The following LIMA1 variants were observed in gnomAD, a reference collection of about 807,000 sequenced individuals.
LIMA1 encodes the protein LIM domain and actin-binding protein 1.
Under a neutral mutation model 62.6 loss-of-function variants are expected in LIMA1, and 52 were observed. The ratio of observed to expected loss-of-function variants is 0.83; its 90% CI spans 0.67 to 1.05. The LOEUF is 1.05. Among genes scored for constraint, LIMA1 ranks in the 50% least tolerant of loss-of-function variants. The pLI is 0.00. For missense variants in LIMA1, 780 were observed against 902.2 expected, an observed-to-expected ratio of 0.86 and a Z score of 1.74; for synonymous variants, 302 against 317.8, an observed-to-expected ratio of 0.95 and a Z score of 0.53.
rs7303828 is a variant in LIMA1, at chr12:50,253,344, T to G, written c.-23-4570A>C. Among the ~76,000 whole-genome samples, 619 of 152,320 alleles carry G rather than the reference T, an allele frequency of 4.1e-3. 5 individuals carry two copies. Among genetic ancestry groups the G allele is most frequent in the African/African-American group, 0.014 (580 of 41,574 alleles). On this transcript the variant is annotated intron_variant, in intron 1 of 10. Transcript: ENST00000341247. ...CCTCACAATCATTCTACAGGATTGG[T>G]TTTATTGTCTTATATTTATGGTAAC...
intron 1 of LIMA1, among the ~76,000 whole-genome samples, chr12:50,263,355 TG>T (rs575253750): frequency 2.3e-4 from 35 of 152,330 alleles, no homozygotes; most frequent in Middle Eastern, 6.8e-3. Flanking sequence ...GCCACTTCTC[TG>T]GGTCCTCTTT....
At chr12:50,250,066 T>G (rs1941906953) in intron 1 of LIMA1, among the ~76,000 whole-genome samples, 1 of 150,836 alleles carries the variant, frequency 6.6e-6, no homozygotes, top group East Asian at 2.0e-4. Context: ...CCGAGGTGGG[T>G]GGATCACTTG....
At chr12:50,257,790 G>A (rs1942016821) in intron 1 of LIMA1, among the ~76,000 whole-genome samples, 1 of 152,148 alleles carries the variant, frequency 6.6e-6, no homozygotes, top group Non-Finnish European at 1.5e-5. Flanking sequence ...AACTGTCATA[G>A]TGATGGTCTC....
intron 1 of LIMA1, among the ~76,000 whole-genome samples, chr12:50,281,499 C>A (rs1191182773): frequency 6.6e-6 from 1 of 152,074 alleles, no homozygotes; most frequent in Non-Finnish European, 1.5e-5. Flanking sequence ...CTTGAGTGTA[C>A]CAAGTTAAAG....
chr12:50,190,528 C>T lies in LIMA1; in HGVS notation c.1140+1924G>A, dbSNP rs569978585. 4.6e-4 allele frequency among the ~76,000 whole-genome samples: 61 copies of T among 132,620 alleles called. 1 individual carries two copies. In the South Asian group the frequency reaches 0.013, roughly 27 times the overall value. 87.0% of individuals were successfully genotyped at this position (132,620 alleles called of 152,430 possible). A position where few individuals can be genotyped will look rare whatever the true frequency, so the allele number is the denominator to read the frequency against. The stretch of plus-strand genomic sequence containing the variant: ...GATTACAGGCATGTGCCACCATGCC[C>T]GGCTAATTTTTTTTTTTTTTTTTGT... On this transcript the variant is annotated intron_variant, in intron 9 of 10. Transcript: ENST00000341247.
At chr12:50,192,419 G>C in intron 9 of LIMA1, 33 bp downstream of exon 9, 1 of 1,393,650 alleles carries the variant, frequency 7.2e-7, no homozygotes, top group Non-Finnish European at 1.0e-6. Flanking sequence ...GTAGACCAAT[G>C]TCCAAAGGCT....
chr12:50,215,490 G>A (rs1373248567), intron 4 of LIMA1, among the ~76,000 whole-genome samples: 2 of 151,832 alleles, frequency 1.3e-5, no homozygotes, highest in Non-Finnish European at 2.9e-5. Flanking sequence ...ATTTTTCTTT[G>A]AGGCAGTCTC....
chr12:50,210,418 CA>C (rs769288381), intron 4 of LIMA1, among the ~76,000 whole-genome samples: 164 of 90,808 alleles, frequency 1.8e-3, no homozygotes, highest in Middle Eastern at 5.7e-3. Context: ...ACCCCATTTC[CA>C]AAAAAAAAAA....
At chr12:50,281,655 T>C (rs1942341381) in intron 1 of LIMA1, among the ~76,000 whole-genome samples, 1 of 152,214 alleles carries the variant, frequency 6.6e-6, no homozygotes, top group Non-Finnish European at 1.5e-5. Context: ...ATTTACTAAA[T>C]GCCACATTAA....
intron 1 of LIMA1, among the ~76,000 whole-genome samples, chr12:50,263,435 TTGTAAAAGCAACTTGAGC>T (rs2138677210): frequency 6.6e-6 from 1 of 152,172 alleles, no homozygotes; most frequent in Non-Finnish European, 1.5e-5. Flanking sequence ...AATTAGTGAG[TTGTAAAAGCAACTTGAGC>T]GATCAGAAGC....
chr12:50,261,042 ATTTTTTTTT>A (rs71083524), intron 1 of LIMA1, among the ~76,000 whole-genome samples: 1,018 of 54,278 alleles, frequency 0.019, 11 homozygotes, highest in African/African-American at 0.028. Context: ...CATCTAGTAT[ATTTTTTTTT>A]TTTTTTTTTT....
In LIMA1 at chr12:50,207,117, G is replaced by T. The variant is rs184274055; in HGVS notation, c.631-1049C>A. ...TTTTTATATTTTTAGTAGAGACAGGGTTTCACCATGTTGGCCAGGCTGGTC... is the reference window on the plus strand; with the variant it reads ...TTTTTATATTTTTAGTAGAGACAGGTTTTCACCATGTTGGCCAGGCTGGTC... On this transcript the variant is annotated intron_variant, in intron 4 of 10. Coordinates refer to ENST00000341247, the MANE Select transcript of LIMA1 (RefSeq NM_016357.5). Among the ~76,000 whole-genome samples the T allele has an allele frequency of 6.4e-3, 978 of 152,210 alleles. 15 individuals are homozygous for T. Among genetic ancestry groups the T allele is most frequent in the African/African-American group, 0.023 (935 of 41,524 alleles).
intron 4 of LIMA1, among the ~76,000 whole-genome samples, chr12:50,215,937 C>A (rs552750708): frequency 6.6e-6 from 1 of 152,026 alleles, no homozygotes; most frequent in East Asian, 2.0e-4. Context: ...GTAATCCCAG[C>A]TACTCAGGAG....
chr12:50,238,686 C>T (rs571153708), intron 2 of LIMA1, among the ~76,000 whole-genome samples: 1 of 151,876 alleles, frequency 6.6e-6, no homozygotes, highest in South Asian at 2.1e-4. Flanking sequence ...CCCGTCTCTA[C>T]TAAAAATATA....
intron 3 of LIMA1, among the ~76,000 whole-genome samples, chr12:50,229,014 G>A (rs1401686626): frequency 6.6e-6 from 1 of 152,118 alleles, no homozygotes; most frequent in Non-Finnish European, 1.5e-5. Context: ...AAGCCACTGT[G>A]GCAGAGCCAC....
chr12:50,253,921 G>A (rs557701253), intron 1 of LIMA1, among the ~76,000 whole-genome samples: 21 of 151,912 alleles, frequency 1.4e-4, no homozygotes, highest in Admixed American at 4.6e-4. Context: ...CCAGCTACTT[G>A]GGAGGCTGAG....
At chr12:50,194,822 T>C (rs980771420) in intron 8 of LIMA1, among the ~76,000 whole-genome samples, 1 of 150,656 alleles carries the variant, frequency 6.6e-6, no homozygotes, top group Non-Finnish European at 1.5e-5. Context: ...CCGAGGCGGG[T>C]GGATTGCCTG....
At chr12:50,204,406 C>T (rs958724819) in intron 6 of LIMA1, 146 bp downstream of exon 6, 18 of 888,644 alleles carry the variant, frequency 2.0e-5, no homozygotes, top group South Asian at 5.1e-5. Context: ...GCAAATCCAG[C>T]GAGGGTAGGG....
intron 1 of LIMA1, among the ~76,000 whole-genome samples, chr12:50,283,174 C>A (rs565020544): frequency 7.6e-6 from 1 of 131,924 alleles, no homozygotes; most frequent in African/African-American, 2.8e-5. Flanking sequence ...TGGGAGAGGA[C>A]GGGGTATTTG....
Sources: allele counts gnomAD v4.1 joint callset (sites outside exome capture counted in the v4.1 genomes callset), GRCh38; gene constraint gnomAD v4.1.1; transcripts MANE v1.5; gene names NCBI Gene and HGNC (gene_info 2026-07-23, HGNC 2026-07-21).